The following PALM2AKAP2 variants were observed in gnomAD, a reference collection of about 807,000 sequenced individuals.
PALM2AKAP2 encodes the protein PALM2-AKAP2 fusion protein.
Under a neutral mutation model 71.5 loss-of-function variants are expected in PALM2AKAP2, and 37 were observed. That is an observed-to-expected ratio of 0.52 (90% CI 0.40 to 0.68). The LOEUF (loss-of-function observed/expected upper bound fraction) is 0.68. PALM2AKAP2 is among the 30% of genes least tolerant of loss of function. The pLI is 0.00. For missense variants in PALM2AKAP2, 1,224 were observed against 1,191.8 expected (o/e 1.03, Z -0.40); for synonymous variants, 468 against 478.8 (o/e 0.98, Z 0.29).
intron 1 of PALM2AKAP2, among the ~76,000 whole-genome samples, chr9:110,096,152 G>T (rs1171954783): frequency 6.6e-6 from 1 of 152,196 alleles, no homozygotes; most frequent in African/African-American, 2.4e-5. Context: ...TCAGAATCAG[G>T]TCCAAAGGCC....
chr9:109,734,134 T>C (rs562278205), intron 1 of PALM2AKAP2, among the ~76,000 whole-genome samples: 4 of 152,364 alleles, frequency 2.6e-5, no homozygotes, highest in Admixed American at 6.5e-5. Flanking sequence ...ACAGTCCATT[T>C]TGTTTTCATT....
chr9:109,730,047 T>C (rs1828531527), intron 1 of PALM2AKAP2, among the ~76,000 whole-genome samples: 1 of 152,196 alleles, frequency 6.6e-6, no homozygotes, highest in South Asian at 2.1e-4. Context: ...GCAAATGTCT[T>C]GAGGAGACAG....
chr9:109,936,912 A>C (rs905061005), intron 6 of PALM2AKAP2, among the ~76,000 whole-genome samples: 3 of 152,230 alleles, frequency 2.0e-5, no homozygotes, highest in Non-Finnish European at 4.4e-5. Flanking sequence ...TGAGTGAAAG[A>C]AAGTGAGCTG....
intron 2 of PALM2AKAP2, among the ~76,000 whole-genome samples, chr9:109,873,494 A>AAATAC: frequency 7.2e-6 from 1 of 139,350 alleles, no homozygotes; most frequent in South Asian, 2.2e-4. Context: ...AAATAAAATA[A>AAATAC]AATTGAATTT....
intron 1 of PALM2AKAP2, among the ~76,000 whole-genome samples, chr9:109,686,727 G>A (rs1056477411): frequency 2.6e-5 from 4 of 151,616 alleles, no homozygotes; most frequent in African/African-American, 9.7e-5. Context: ...TACACAACAT[G>A]CAGGTTTGTT....
At chr9:109,896,802 C>G (rs1020309859) in intron 3 of PALM2AKAP2, among the ~76,000 whole-genome samples, 6 of 152,044 alleles carry the variant, frequency 3.9e-5, no homozygotes, top group Admixed American at 2.6e-4. Flanking sequence ...CAGAGCGAGG[C>G]CCTGTCTCCA....
intron 1 of PALM2AKAP2, among the ~76,000 whole-genome samples, chr9:109,679,661 T>C (rs1035456583): frequency 5.3e-5 from 8 of 152,186 alleles, no homozygotes; most frequent in African/African-American, 1.7e-4. Context: ...AAAAGTCATC[T>C]GGCTTAGTCT....
chr9:109,937,866 G>A lies in PALM2AKAP2; in HGVS notation c.496+5838G>A, dbSNP rs1426605227. ...CCCAGAAAGCCCTCACCCCTCAACA[G>A]CACTCCCTCCTCATTTTTTAAATAA... On this transcript the variant is annotated intron_variant, in intron 6 of 9. Transcript: ENST00000302798. 2.0e-5 allele frequency among the ~76,000 whole-genome samples: 3 copies of A among 152,182 alleles called. No homozygotes were observed. In the East Asian group the frequency reaches 5.8e-4, roughly 29 times the overall value.
chr9:109,770,722 T>G (rs959697756), intron 1 of PALM2AKAP2, among the ~76,000 whole-genome samples: 1 of 152,168 alleles, frequency 6.6e-6, no homozygotes, highest in African/African-American at 2.4e-5. Flanking sequence ...AACATGCCAC[T>G]CAGGAGTTTT....
At chr9:110,034,605 T>A (rs201263968) in intron 7 of PALM2AKAP2, among the ~76,000 whole-genome samples, 3 of 108,330 alleles carry the variant, frequency 2.8e-5, no homozygotes, top group African/African-American at 1.6e-4. Flanking sequence ...TATATTCCCC[T>A]TTTTTTTTTT....
intron 1 of PALM2AKAP2, among the ~76,000 whole-genome samples, chr9:109,712,566 C>T (rs749123571): frequency 3.3e-5 from 5 of 152,148 alleles, no homozygotes; most frequent in Non-Finnish European, 7.4e-5. Context: ...ATAAAGGCTG[C>T]AGAAGGAATA....
intron 1 of PALM2AKAP2, among the ~76,000 whole-genome samples, chr9:109,683,449 G>C (rs1317507766): frequency 6.6e-6 from 1 of 152,128 alleles, no homozygotes; most frequent in East Asian, 1.9e-4. Flanking sequence ...GGGACAGAAA[G>C]GATTGCTAAC....
intron 2 of PALM2AKAP2, among the ~76,000 whole-genome samples, chr9:109,879,091 C>T (rs1041568359): frequency 1.3e-5 from 2 of 152,162 alleles, no homozygotes; most frequent in African/African-American, 2.4e-5. Flanking sequence ...CCCTTAATGC[C>T]GCATACAAAT....
chr9:109,678,208 C>T (rs910334742), intron 1 of PALM2AKAP2, among the ~76,000 whole-genome samples: 1 of 152,162 alleles, frequency 6.6e-6, no homozygotes, highest in Non-Finnish European at 1.5e-5. Flanking sequence ...TAGGGATTTT[C>T]TTACAATACC....
At chr9:109,815,756 C>A (rs898819787) in intron 1 of PALM2AKAP2, among the ~76,000 whole-genome samples, 5 of 152,094 alleles carry the variant, frequency 3.3e-5, no homozygotes, top group African/African-American at 7.2e-5. Context: ...TAAATGAAGT[C>A]TTTGTCTCCC....
intron 3 of PALM2AKAP2, among the ~76,000 whole-genome samples, chr9:109,881,919 C>T (rs1420890296): frequency 1.6e-5 from 2 of 124,710 alleles, no homozygotes; most frequent in African/African-American, 5.8e-5. Context: ...GAGTCTCGCT[C>T]TGTCACTAGG....
At chr9:109,894,715 CT>C (rs1164009343) in intron 3 of PALM2AKAP2, among the ~76,000 whole-genome samples, 5 of 152,176 alleles carry the variant, frequency 3.3e-5, no homozygotes, top group African/African-American at 4.8e-5. Flanking sequence ...ACCATAAAAT[CT>C]TGAGCAATAT....
At chr9:109,918,547 C>A (rs564998467) in intron 3 of PALM2AKAP2, among the ~76,000 whole-genome samples, 15 of 152,324 alleles carry the variant, frequency 9.8e-5, no homozygotes, top group Admixed American at 3.9e-4. Context: ...CCTGCCCATT[C>A]TTTATTTTTA....
intron 1 of PALM2AKAP2, among the ~76,000 whole-genome samples, chr9:109,801,931 G>C (rs778474336): frequency 2.6e-5 from 4 of 152,090 alleles, no homozygotes; most frequent in Non-Finnish European, 1.5e-5. Flanking sequence ...CATGGGGAGG[G>C]GTGATCCCCC....
Sources: allele counts gnomAD v4.1 joint callset (sites outside exome capture counted in the v4.1 genomes callset), GRCh38; gene constraint gnomAD v4.1.1; transcripts MANE v1.5; gene names NCBI Gene and HGNC (gene_info 2026-07-23, HGNC 2026-07-21).